ERBB4: variants seen among roughly 807,000 people sequenced by gnomAD.
ERBB4 encodes the protein receptor tyrosine-protein kinase erbB-4.
In ERBB4, 42 loss-of-function variants were observed where a neutral mutation model predicts 158.0. The ratio of observed to expected loss-of-function variants is 0.27; its 90% CI spans 0.21 to 0.34. ERBB4 has a LOEUF of 0.34. ERBB4 is among the 10% of genes least tolerant of loss of function. The pLI is 1.00. For missense variants in ERBB4, 1,333 were observed against 1,624.1 expected (o/e 0.82, Z 3.08); for synonymous variants, 583 against 558.7 (o/e 1.04, Z -0.61).
chr2:211,447,079 C>A (rs1330693407), intron 20 of ERBB4, among the ~76,000 whole-genome samples: 1 of 152,104 alleles, frequency 6.6e-6, no homozygotes, highest in African/African-American at 2.4e-5. Flanking sequence ...CCTTGTGTTA[C>A]AAAAATCAGT....
chr2:211,609,575 C>G (rs539225382), intron 19 of ERBB4, among the ~76,000 whole-genome samples: 111 of 152,254 alleles, frequency 7.3e-4, no homozygotes, highest in African/African-American at 2.5e-3. Flanking sequence ...CAGGATCTTG[C>G]TCTGTCACCC....
intron 7 of ERBB4, among the ~76,000 whole-genome samples, chr2:211,714,675 T>C (rs780191996): frequency 7.9e-5 from 12 of 152,224 alleles, no homozygotes; most frequent in Admixed American, 4.6e-4. Context: ...AAACAGCTTT[T>C]GACATGCTTC....
intron 4 of ERBB4, among the ~76,000 whole-genome samples, chr2:211,781,871 G>T (rs924308591): frequency 7.9e-5 from 12 of 152,128 alleles, no homozygotes; most frequent in African/African-American, 2.9e-4. Flanking sequence ...GCCTCCTGGG[G>T]CTTCAAAGCT....
intron 2 of ERBB4, among the ~76,000 whole-genome samples, chr2:212,017,623 G>T (rs1179282257): frequency 2.0e-5 from 3 of 151,942 alleles, no homozygotes; most frequent in African/African-American, 4.8e-5. Flanking sequence ...AATTTTCCTT[G>T]GGCATTTTTA....
chr2:211,913,663 G>GTGTA (rs1467697844), intron 3 of ERBB4, among the ~76,000 whole-genome samples: 1 of 147,852 alleles, frequency 6.8e-6, no homozygotes, highest in Non-Finnish European at 1.5e-5. Flanking sequence ...GTGTGTATGT[G>GTGTA]TGTATGTGTG....
intron 1 of ERBB4, among the ~76,000 whole-genome samples, chr2:212,537,744 A>G (rs1453661316): frequency 1.5e-5 from 2 of 133,852 alleles, no homozygotes; most frequent in African/African-American, 6.3e-5. Flanking sequence ...CAAGTGTGCC[A>G]AGCCTTTTTT....
chr2:211,929,735 T>C (rs975683494), intron 3 of ERBB4, among the ~76,000 whole-genome samples: 6 of 152,366 alleles, frequency 3.9e-5, no homozygotes, highest in African/African-American at 1.4e-4. Flanking sequence ...TGTTTCTCTT[T>C]GGATGTGTCA....
chr2:212,075,746 A>T (rs185284381), intron 2 of ERBB4, among the ~76,000 whole-genome samples: 1 of 152,036 alleles, frequency 6.6e-6, no homozygotes, highest in Admixed American at 6.6e-5. Flanking sequence ...TGGCTCCCAT[A>T]TAACTTACTA....
At chr2:212,451,796 T>C (rs1452000210) in intron 1 of ERBB4, among the ~76,000 whole-genome samples, 1 of 152,186 alleles carries the variant, frequency 6.6e-6, no homozygotes, top group African/African-American at 2.4e-5. Flanking sequence ...TAAAATACTA[T>C]ACTGCAGACT....
At chr2:211,435,690 A>G (rs2063835329) in intron 20 of ERBB4, among the ~76,000 whole-genome samples, 1 of 152,160 alleles carries the variant, frequency 6.6e-6, no homozygotes, top group African/African-American at 2.4e-5. Context: ...TGCACTCCTT[A>G]TGAGAATCTA....
chr2:211,832,624 A>G (rs1300189208), intron 3 of ERBB4, among the ~76,000 whole-genome samples: 1 of 150,692 alleles, frequency 6.6e-6, no homozygotes, highest in East Asian at 1.9e-4. Flanking sequence ...ATATATACAT[A>G]TATATACACA....
chr2:211,403,566 C>A (rs1391459131), intron 25 of ERBB4, among the ~76,000 whole-genome samples: 1 of 152,096 alleles, frequency 6.6e-6, no homozygotes, highest in Non-Finnish European at 1.5e-5. Context: ...AATTCTGGAG[C>A]CTCCTCCTTG....
intron 1 of ERBB4, among the ~76,000 whole-genome samples, chr2:212,485,920 C>G (rs1210914806): frequency 6.6e-6 from 1 of 151,886 alleles, no homozygotes; most frequent in Non-Finnish European, 1.5e-5. Flanking sequence ...ACCAAACCAC[C>G]TCTCAAAAGG....
chr2:212,425,105 C>T (rs1337257792), intron 1 of ERBB4, among the ~76,000 whole-genome samples: 2 of 151,688 alleles, frequency 1.3e-5, no homozygotes, highest in East Asian at 3.9e-4. Flanking sequence ...TTAAAACTGT[C>T]ATTATAAAAT....
At chr2:212,328,712 T>G (rs2087984025) in intron 1 of ERBB4, among the ~76,000 whole-genome samples, 1 of 151,970 alleles carries the variant, frequency 6.6e-6, no homozygotes, top group Non-Finnish European at 1.5e-5. Flanking sequence ...TTCAAGAAAT[T>G]TATGCAAGAA....
chr2:211,907,846 A>G (rs1032109752), intron 3 of ERBB4, among the ~76,000 whole-genome samples: 1 of 151,756 alleles, frequency 6.6e-6, no homozygotes, highest in African/African-American at 2.4e-5. Flanking sequence ...TGGCACTGAT[A>G]GGTATTTAAG....
chr2:212,305,003 T>C (rs867497060), intron 1 of ERBB4, among the ~76,000 whole-genome samples: 1 of 151,514 alleles, frequency 6.6e-6, no homozygotes, highest in East Asian at 2.0e-4. Flanking sequence ...AAATTTAACA[T>C]TAAAATACTA....
chr2:211,591,017 A>G (rs555266776), intron 19 of ERBB4, among the ~76,000 whole-genome samples: 3 of 152,320 alleles, frequency 2.0e-5, no homozygotes, highest in Admixed American at 2.0e-4. Context: ...ATAACTGACT[A>G]CACTTTCCCT....
intron 16 of ERBB4, among the ~76,000 whole-genome samples, chr2:211,640,614 T>C (rs916015820): frequency 2.2e-4 from 33 of 152,202 alleles, no homozygotes; most frequent in African/African-American, 8.0e-4. Flanking sequence ...CTTAGTATAT[T>C]TTTCTCTAAA....
Sources: gnomAD v4.1 joint callset for allele counts (sites outside exome capture counted in the v4.1 genomes callset) on GRCh38, gnomAD v4.1.1 for gene constraint, MANE v1.5 for transcripts, NCBI Gene and HGNC (gene_info 2026-07-23, HGNC 2026-07-21) for gene names.